The following MGAT4C variants were observed in gnomAD, a reference collection of about 807,000 sequenced individuals.
MGAT4C encodes alpha-1,3-mannosyl-glycoprotein 4-beta-N-acetylglucosaminyltransferase C.
MGAT4C carries 19 observed loss-of-function variants against 40.1 expected under a neutral mutation model. That is an observed-to-expected ratio of 0.47 (90% CI 0.33 to 0.70). The LOEUF (loss-of-function observed/expected upper bound fraction) is 0.70. Among genes scored for constraint, MGAT4C ranks in the 30% least tolerant of loss-of-function variants. The pLI is 0.02. For missense variants in MGAT4C, 491 were observed against 563.2 expected (o/e 0.87, Z 1.30); for synonymous variants, 181 against 187.1 (o/e 0.97, Z 0.27).
intron 1 of MGAT4C, among the ~76,000 whole-genome samples, chr12:86,828,762 G>GACT (rs1952858419): frequency 6.6e-6 from 1 of 151,454 alleles, no homozygotes; most frequent in African/African-American, 2.4e-5. Flanking sequence ...AGACACAGAA[G>GACT]ACTACATATT....
intron 2 of MGAT4C, among the ~76,000 whole-genome samples, chr12:86,603,013 G>A (rs751522129): frequency 6.6e-6 from 1 of 151,170 alleles, no homozygotes; most frequent in Non-Finnish European, 1.5e-5. Flanking sequence ...AGCCAGGCAC[G>A]AAAAACAAAA....
intron 1 of MGAT4C, among the ~76,000 whole-genome samples, chr12:86,748,077 G>C (rs1951180284): frequency 6.6e-6 from 1 of 151,504 alleles, no homozygotes; most frequent in Non-Finnish European, 1.5e-5. Flanking sequence ...TTTATCAGTG[G>C]ATATCTGATT....
intron 1 of MGAT4C, among the ~76,000 whole-genome samples, chr12:86,188,020 G>A (rs751788531): frequency 6.6e-6 from 1 of 152,048 alleles, no homozygotes; most frequent in Admixed American, 6.6e-5. Flanking sequence ...TATGTGTCCT[G>A]CTGAGATAAG....
intron 1 of MGAT4C, among the ~76,000 whole-genome samples, chr12:86,049,997 A>C (rs1320403251): frequency 6.6e-6 from 1 of 151,962 alleles, no homozygotes; most frequent in African/African-American, 2.4e-5. Context: ...TATATATAAC[A>C]TAATATAGAG....
chr12:86,754,569 G>A (rs891474338), intron 1 of MGAT4C, among the ~76,000 whole-genome samples: 9 of 152,094 alleles, frequency 5.9e-5, no homozygotes, highest in African/African-American at 1.7e-4. Context: ...AAATAAAACT[G>A]CCACATGGAT....
At chr12:86,633,761 A>G (rs554363587) in intron 2 of MGAT4C, among the ~76,000 whole-genome samples, 4 of 152,128 alleles carry the variant, frequency 2.6e-5, no homozygotes, top group Admixed American at 6.6e-5. Context: ...TAATGGGTAA[A>G]CTAGACGATA....
rs181272058 is a variant in MGAT4C at position 86,174,071 on chromosome 12, T to C, written c.-57+82168A>G. On this transcript the variant is annotated intron_variant, in intron 1 of 4. Transcript: ENST00000611864. The stretch of plus-strand genomic sequence containing the variant: ...CCCCAAATGCCATGATCTGTGCTTT[T>C]TACAGTGAAATTAAAAGTAGGTTAT... 4.5e-3 allele frequency among the ~76,000 whole-genome samples: 679 copies of C among 151,410 alleles called. 1 individual carries two copies. Among genetic ancestry groups the C allele is most frequent in the African/African-American group, 0.015 (625 of 41,298 alleles).
chr12:86,639,270 T>C (rs912297474), intron 2 of MGAT4C, among the ~76,000 whole-genome samples: 3 of 151,806 alleles, frequency 2.0e-5, no homozygotes, highest in Admixed American at 1.3e-4. Context: ...TGTATTGATT[T>C]ACATTTTACA....
chr12:86,331,395 C>T (rs985456159), intron 4 of MGAT4C, among the ~76,000 whole-genome samples: 1 of 152,130 alleles, frequency 6.6e-6, no homozygotes, highest in African/African-American at 2.4e-5. Context: ...AATGTTTAAA[C>T]TCTACCATTT....
At chr12:86,054,880 C>A (rs79363631) in intron 1 of MGAT4C, among the ~76,000 whole-genome samples, 8 of 30,578 alleles carry the variant, frequency 2.6e-4, no homozygotes, top group African/African-American at 7.6e-4. Flanking sequence ...TCAGAAAAAA[C>A]ATCTCGGTTT....
At chr12:86,672,392 C>T (rs1964278829) in intron 2 of MGAT4C, among the ~76,000 whole-genome samples, 1 of 151,710 alleles carries the variant, frequency 6.6e-6, no homozygotes, top group South Asian at 2.1e-4. Flanking sequence ...GAAAATCAAA[C>T]CCAAAATTAG....
intron 4 of MGAT4C, among the ~76,000 whole-genome samples, chr12:86,321,609 C>T (rs1208621287): frequency 6.6e-6 from 1 of 152,098 alleles, no homozygotes; most frequent in Non-Finnish European, 1.5e-5. Context: ...TATTCAAATG[C>T]CACTATGTTC....
intron 1 of MGAT4C, among the ~76,000 whole-genome samples, chr12:86,129,508 TTTGCTTACATA>T (rs1382146086): frequency 6.6e-6 from 1 of 151,168 alleles, no homozygotes; most frequent in Admixed American, 6.6e-5. Context: ...GGGAACTGGG[TTTGCTTACATA>T]CAACTGAGTT....
At chr12:86,345,834 C>G (rs991946381) in intron 3 of MGAT4C, among the ~76,000 whole-genome samples, 6 of 152,228 alleles carry the variant, frequency 3.9e-5, no homozygotes, top group African/African-American at 1.4e-4. Context: ...GCCACACCGA[C>G]CTTCACAATG....
intron 2 of MGAT4C, among the ~76,000 whole-genome samples, chr12:86,475,503 A>G (rs61950766): frequency 0.1 from 15,304 of 152,066 alleles, 1,011 homozygotes; most frequent in Middle Eastern, 0.25. Flanking sequence ...TTCAAATATA[A>G]TAAATTGTTA....
intron 2 of MGAT4C, among the ~76,000 whole-genome samples, chr12:86,598,094 T>G (rs904713607): frequency 1.6e-4 from 24 of 152,222 alleles, no homozygotes; most frequent in Non-Finnish European, 2.9e-4. Context: ...TACTTTACCA[T>G]ACTTTTACTT....
At chr12:86,466,712 C>T (rs758251007) in intron 2 of MGAT4C, among the ~76,000 whole-genome samples, 4 of 152,100 alleles carry the variant, frequency 2.6e-5, no homozygotes, top group Admixed American at 1.3e-4. Flanking sequence ...GATGCATTAA[C>T]GTAGGCTTGT....
intron 1 of MGAT4C, among the ~76,000 whole-genome samples, chr12:86,236,989 TATATAA>T (rs1951581272): frequency 6.6e-6 from 1 of 150,492 alleles, no homozygotes; most frequent in Non-Finnish European, 1.5e-5. Flanking sequence ...TAATATATGA[TATATAA>T]ATATATGTTA....
At chr12:86,536,254 C>A (rs1003790787) in intron 2 of MGAT4C, among the ~76,000 whole-genome samples, 1 of 151,960 alleles carries the variant, frequency 6.6e-6, no homozygotes, top group Non-Finnish European at 1.5e-5. Context: ...ATAACAGTCA[C>A]CTATAATCAT....
Sources: gnomAD v4.1 joint callset for allele counts (sites outside exome capture counted in the v4.1 genomes callset) on GRCh38, gnomAD v4.1.1 for gene constraint, MANE v1.5 for transcripts, NCBI Gene and HGNC (gene_info 2026-07-23, HGNC 2026-07-21) for gene names.